The following SPAG16 variants were observed in gnomAD, a reference collection of about 807,000 sequenced individuals.
The protein encoded by SPAG16 is sperm associated antigen 16.
In SPAG16, 86 loss-of-function variants were observed where a neutral mutation model predicts 80.4. That is an observed-to-expected ratio of 1.07 (90% CI 0.90 to 1.28). The LOEUF (loss-of-function observed/expected upper bound fraction) is 1.28, where lower values mean the gene tolerates loss of function less well. Ranked by LOEUF, SPAG16 falls within the 50% of genes most tolerant of loss-of-function variation. SPAG16 has a pLI of 0.00. For missense variants in SPAG16, 870 were observed against 765.3 expected, an observed-to-expected ratio of 1.14 and a Z score of -1.61; for synonymous variants, 294 against 265.9, an observed-to-expected ratio of 1.11 and a Z score of -1.03.
At position 214,218,244 on chromosome 2, in the gene SPAG16, A is replaced by G. The variant is rs372326725; in HGVS notation, c.1720+68978A>G. 6.6e-5 allele frequency among the ~76,000 whole-genome samples: 10 copies of G among 152,268 alleles called. No homozygotes were observed. The South Asian group carries it at 2.1e-3, about 32-fold the overall frequency. On this transcript the variant is annotated intron_variant, in intron 15 of 15. Transcript: ENST00000331683. The stretch of plus-strand genomic sequence containing the variant: ...AGGAAAAAAATCTGGTTTCACATAG[A>G]TCTGGGGTTGGAAAAGGGACGGCCT...
At chr2:213,489,069 C>T (rs960783070) in intron 9 of SPAG16, among the ~76,000 whole-genome samples, 13 of 130,454 alleles carry the variant, frequency 1.0e-4, no homozygotes, top group Admixed American at 7.6e-4. Flanking sequence ...AGCGAGACTC[C>T]ATCTCAAAAA....
At chr2:214,175,860 T>C (rs2125649752) in intron 15 of SPAG16, among the ~76,000 whole-genome samples, 1 of 151,584 alleles carries the variant, frequency 6.6e-6, no homozygotes, top group African/African-American at 2.4e-5. Context: ...AGTAGTTAAG[T>C]TTCTTTATGT....
intron 6 of SPAG16, among the ~76,000 whole-genome samples, chr2:213,350,008 T>G (rs978458647): frequency 6.6e-6 from 1 of 152,204 alleles, no homozygotes; most frequent in Non-Finnish European, 1.5e-5. Flanking sequence ...AACAGATTTT[T>G]TAAAGGTATA....
chr2:213,748,051 A>T (rs926695757), intron 10 of SPAG16, among the ~76,000 whole-genome samples: 2 of 152,168 alleles, frequency 1.3e-5, no homozygotes, highest in Non-Finnish European at 2.9e-5. Context: ...TATTGACTTA[A>T]TCCTTTTGGA....
At chr2:214,340,517 G>T (rs909346120) in intron 15 of SPAG16, among the ~76,000 whole-genome samples, 28 of 152,296 alleles carry the variant, frequency 1.8e-4, no homozygotes, top group African/African-American at 6.5e-4. Flanking sequence ...GTGAGTATTT[G>T]AGTTGTTTCT....
Position 213,910,734 on chromosome 2 carries a change from C to T in SPAG16, c.1215-19226C>T, listed in dbSNP as rs1275558733. ...CGATCTCCTGACCTCGTGATCCGCC[C>T]GCCTCGGCCTCCCAAAGTGCTGGGA... On this transcript the variant is annotated intron_variant, in intron 11 of 15. Transcript: ENST00000331683. 3.0e-4 allele frequency among the ~76,000 whole-genome samples: 9 copies of T among 29,998 alleles called. 2 individuals carry two copies. Among genetic ancestry groups the T allele is most frequent in the Admixed American group, 2.1e-3 (5 of 2,346 alleles). 19.7% of individuals were successfully genotyped at this position (29,998 alleles called of 152,430 possible).
intron 12 of SPAG16, among the ~76,000 whole-genome samples, chr2:213,974,958 A>AAC (rs1299336514): frequency 6.6e-6 from 1 of 150,950 alleles, no homozygotes; most frequent in African/African-American, 2.4e-5. Context: ...TAAAAAAAAA[A>AAC]AAAAAAACAC....
chr2:214,226,696 G>A (rs1485842702), intron 15 of SPAG16, among the ~76,000 whole-genome samples: 1 of 151,900 alleles, frequency 6.6e-6, no homozygotes, highest in Non-Finnish European at 1.5e-5. Context: ...ACACTAATAG[G>A]ATCACACAAG....
At chr2:213,659,877 T>C (rs1241386235) in intron 10 of SPAG16, among the ~76,000 whole-genome samples, 1 of 152,226 alleles carries the variant, frequency 6.6e-6, no homozygotes, top group Non-Finnish European at 1.5e-5. Context: ...TACATCTGTA[T>C]ATATGTTTAT....
chr2:214,067,333 T>C (rs1256383760), intron 13 of SPAG16, among the ~76,000 whole-genome samples: 1 of 152,184 alleles, frequency 6.6e-6, no homozygotes, highest in Admixed American at 6.6e-5. Context: ...AGAAAATATG[T>C]ATATTGTATC....
chr2:213,994,857 C>A (rs963384756), intron 12 of SPAG16, among the ~76,000 whole-genome samples: 2 of 152,094 alleles, frequency 1.3e-5, no homozygotes, highest in Admixed American at 6.6e-5. Context: ...AAGGTTATTG[C>A]AAGGTCTTGG....
At chr2:213,525,217 T>C (rs2075841330) in intron 10 of SPAG16, among the ~76,000 whole-genome samples, 1 of 151,956 alleles carries the variant, frequency 6.6e-6, no homozygotes, top group African/African-American at 2.4e-5. Flanking sequence ...TTTGACCAGG[T>C]ATGTAAGTTT....
intron 4 of SPAG16, among the ~76,000 whole-genome samples, chr2:213,311,752 C>G (rs904991333): frequency 5.9e-5 from 9 of 151,456 alleles, no homozygotes; most frequent in African/African-American, 1.9e-4. Flanking sequence ...AAAACTTTAC[C>G]TATTCTACAT....
At position 213,481,055 on chromosome 2, in the gene SPAG16, G is replaced by A. The variant is rs2073723466; in HGVS notation, c.943-8908G>A. 2.6e-5 allele frequency among the ~76,000 whole-genome samples: 4 copies of A among 152,178 alleles called. No homozygotes were observed. In the South Asian group the frequency reaches 6.2e-4, roughly 24 times the overall value. On this transcript the variant is annotated intron_variant, in intron 9 of 15. Transcript: ENST00000331683. ...CTAAAGAATATATTAGGCAGTGAACGCAACATGACAAGCCATTCAATTCAG... is the reference window on the plus strand; with the variant it reads ...CTAAAGAATATATTAGGCAGTGAACACAACATGACAAGCCATTCAATTCAG...
At chr2:214,352,416 C>T (rs1223303064) in intron 15 of SPAG16, among the ~76,000 whole-genome samples, 2 of 152,146 alleles carry the variant, frequency 1.3e-5, no homozygotes, top group East Asian at 3.8e-4. Context: ...CTTGAAAATT[C>T]CCAAATACTA....
intron 9 of SPAG16, among the ~76,000 whole-genome samples, chr2:213,376,552 T>C (rs1396377455): frequency 6.6e-6 from 1 of 152,042 alleles, no homozygotes; most frequent in Non-Finnish European, 1.5e-5. Context: ...GTATTTCTCT[T>C]AATTTTCTTG....
At chr2:214,022,825 A>G (rs975677551) in intron 13 of SPAG16, among the ~76,000 whole-genome samples, 2 of 152,040 alleles carry the variant, frequency 1.3e-5, no homozygotes, top group African/African-American at 2.4e-5. Context: ...CTTTCCATTT[A>G]TATTAACACC....
At chr2:214,369,892 TC>T (rs1487416070) in intron 15 of SPAG16, among the ~76,000 whole-genome samples, 3 of 152,124 alleles carry the variant, frequency 2.0e-5, no homozygotes, top group Non-Finnish European at 2.9e-5. Flanking sequence ...CTGGATCATG[TC>T]CCCACTCAAC....
intron 10 of SPAG16, among the ~76,000 whole-genome samples, chr2:213,717,561 T>C (rs1559404788): frequency 6.6e-6 from 1 of 152,136 alleles, no homozygotes; most frequent in Non-Finnish European, 1.5e-5. Context: ...AACTCTTTTT[T>C]TTTTTAAACA....
Sources: allele counts gnomAD v4.1 joint callset (sites outside exome capture counted in the v4.1 genomes callset), GRCh38; gene constraint gnomAD v4.1.1; transcripts MANE v1.5; gene names NCBI Gene and HGNC (gene_info 2026-07-23, HGNC 2026-07-21).